Variants in KCNQ3 observed in about 807,000 individuals in gnomAD.
KCNQ3 encodes potassium voltage-gated channel subfamily KQT member 3.
Under a neutral mutation model 92.5 loss-of-function variants are expected in KCNQ3, and 30 were observed. The ratio of observed to expected loss-of-function variants is 0.32; its 90% CI spans 0.24 to 0.44. The LOEUF (loss-of-function observed/expected upper bound fraction) is 0.44. Ranked by LOEUF, KCNQ3 falls within the 20% of genes least tolerant of loss-of-function variation. The pLI, the probability that KCNQ3 is intolerant of heterozygous loss-of-function variation, is 1.00. For synonymous variants in KCNQ3, 450 were observed against 468.8 expected (o/e 0.96, Z 0.52); for missense variants, 913 against 1,140.3 (o/e 0.80, Z 2.87).
intron 1 of KCNQ3, among the ~76,000 whole-genome samples, chr8:132,362,519 G>A (rs990992256): frequency 5.9e-5 from 9 of 152,188 alleles, no homozygotes; most frequent in Non-Finnish European, 1.2e-4. Context: ...GGGGCAATTG[G>A]TGCTTAAATA....
intron 9 of KCNQ3, among the ~76,000 whole-genome samples, chr8:132,142,147 T>G (rs908018746): frequency 1.8e-4 from 27 of 152,336 alleles, no homozygotes; most frequent in African/African-American, 6.5e-4. Context: ...ATAATCAGCT[T>G]CTTTTGTATA....
At chr8:132,265,567 GGGTTTTCC>G (rs1373393109) in intron 1 of KCNQ3, among the ~76,000 whole-genome samples, 1 of 152,152 alleles carries the variant, frequency 6.6e-6, no homozygotes, top group Non-Finnish European at 1.5e-5. Flanking sequence ...ATGGAGATGG[GGGTTTTCC>G]CACAGGGACA....
intron 3 of KCNQ3, among the ~76,000 whole-genome samples, chr8:132,183,479 C>A (rs62519598): frequency 0.038 from 5,811 of 152,150 alleles, 172 homozygotes; most frequent in Non-Finnish European, 0.056. Context: ...GTCCTTCCAG[C>A]CCTGACACTC....
intron 1 of KCNQ3, among the ~76,000 whole-genome samples, chr8:132,390,248 T>C (rs1040944209): frequency 6.6e-6 from 1 of 152,128 alleles, no homozygotes; most frequent in African/African-American, 2.4e-5. Context: ...ACTTAGGGAA[T>C]GAAAGCATAC....
chr8:132,392,426 G>C (rs141555348), intron 1 of KCNQ3, among the ~76,000 whole-genome samples: 14 of 152,138 alleles, frequency 9.2e-5, no homozygotes, highest in African/African-American at 3.4e-4. Flanking sequence ...CAGCATCCTT[G>C]CTGTTCCTCA....
Position 132,126,067 on chromosome 8 carries a change from T to C in KCNQ3, c.*3195A>G, listed in dbSNP as rs1824653861. On this transcript the variant is annotated 3_prime_UTR_variant, in exon 15 of 15. Transcript: ENST00000388996. ...CTTGCTAAAATATGACCTTTAAAAT[T>C]TTTCATGTCACATTGTGACCCAGAA... 1 of 152,208 alleles carries C rather than the reference T, an allele frequency of 6.6e-6. No individual in the cohort carries two copies. Among genetic ancestry groups the C allele is most frequent in the Admixed American group, 6.5e-5 (1 of 15,284 alleles). 9.4% of individuals were successfully genotyped at this position (152,208 alleles called of 1,614,324 possible).
intron 1 of KCNQ3, among the ~76,000 whole-genome samples, chr8:132,332,333 G>C (rs1262496686): frequency 6.6e-6 from 1 of 152,186 alleles, no homozygotes; most frequent in Non-Finnish European, 1.5e-5. Flanking sequence ...CTTTGAGCCA[G>C]AGGTACCCAG....
At chr8:132,319,142 A>G (rs1817827007) in intron 1 of KCNQ3, among the ~76,000 whole-genome samples, 1 of 152,216 alleles carries the variant, frequency 6.6e-6, no homozygotes. Flanking sequence ...ATGTTAAGGG[A>G]GTGATCTCAT....
chr8:132,447,131 C>T (rs888848045), intron 1 of KCNQ3: 21 of 1,351,674 alleles, frequency 1.6e-5, no homozygotes, highest in Non-Finnish European at 1.9e-5. Flanking sequence ...TTCCCTCTCC[C>T]CCTGGGACTC....
chr8:132,136,476 A>AG (rs1053489505), intron 12 of KCNQ3, among the ~76,000 whole-genome samples: 3 of 152,078 alleles, frequency 2.0e-5, no homozygotes, highest in African/African-American at 7.2e-5. Context: ...GAAAAAAAAA[A>AG]TCACATATGG....
At chr8:132,170,058 G>T (rs1826272827) in intron 8 of KCNQ3, among the ~76,000 whole-genome samples, 1 of 151,748 alleles carries the variant, frequency 6.6e-6, no homozygotes, top group Admixed American at 6.6e-5. Context: ...TTTTTAGTAG[G>T]AACGGGATTT....
Position 132,465,868 on chromosome 8 carries a change from C to A in KCNQ3, c.386+14279G>T, listed in dbSNP as rs112385031. Among the ~76,000 whole-genome samples the A allele has an allele frequency of 2.2e-4, 33 of 152,222 alleles. 2 individuals are homozygous for A. The highest frequency in any genetic ancestry group is 7.2e-4 in the Admixed American group (11 of 15,290). On this transcript the variant is annotated intron_variant, in intron 1 of 14. Transcript: ENST00000388996. The stretch of plus-strand genomic sequence containing the variant: ...TCGAGGCTGTGGTGGGCCATGATTG[C>A]ACCACTGGACTCCAGCCTGGGAGAC...
intron 1 of KCNQ3, among the ~76,000 whole-genome samples, chr8:132,246,775 C>T (rs1815194161): frequency 6.6e-6 from 1 of 152,162 alleles, no homozygotes; most frequent in Admixed American, 6.5e-5. Flanking sequence ...AGCTCTCATC[C>T]CAGCATTACG....
In KCNQ3 at chr8:132,365,178, G is replaced by C. The variant is rs1405869195; in HGVS notation, c.386+114969C>G. 3.3e-5 allele frequency among the ~76,000 whole-genome samples: 5 copies of C among 152,196 alleles called. No homozygotes were observed. The East Asian group carries it at 5.8e-4, about 18-fold the overall frequency. ...CAAGCATGAAGACTAGCCACAGTGA[G>C]AGCATAAAAAATCACGTTGAACAAA... is the stretch of plus-strand genomic sequence containing the variant. On this transcript the variant is annotated intron_variant, in intron 1 of 14. Coordinates refer to ENST00000388996, the MANE Select transcript of KCNQ3 (RefSeq NM_004519.4).
intron 1 of KCNQ3, among the ~76,000 whole-genome samples, chr8:132,384,179 A>AC (rs1275954404): frequency 6.6e-6 from 1 of 151,922 alleles, no homozygotes; most frequent in African/African-American, 2.4e-5. Flanking sequence ...AGCCATGCTC[A>AC]CCCCACAACA....
At chr8:132,421,867 C>T (rs764771969) in intron 1 of KCNQ3, among the ~76,000 whole-genome samples, 1 of 152,154 alleles carries the variant, frequency 6.6e-6, no homozygotes, top group Non-Finnish European at 1.5e-5. Flanking sequence ...ATACAGACTT[C>T]ATTTTCCAAA....
At chr8:132,230,962 G>C (rs1331446128) in intron 1 of KCNQ3, among the ~76,000 whole-genome samples, 1 of 152,180 alleles carries the variant, frequency 6.6e-6, no homozygotes, top group East Asian at 1.9e-4. Flanking sequence ...TTAAAATGAG[G>C]TTATGATGGG....
At chr8:132,442,017 T>G (rs990162008) in intron 1 of KCNQ3, among the ~76,000 whole-genome samples, 13 of 150,768 alleles carry the variant, frequency 8.6e-5, no homozygotes, top group African/African-American at 3.2e-4. Context: ...AAGTGAGAGC[T>G]AAATGATTGA....
intron 1 of KCNQ3, among the ~76,000 whole-genome samples, chr8:132,300,527 T>C (rs1487356404): frequency 6.6e-6 from 1 of 152,122 alleles, no homozygotes; most frequent in Non-Finnish European, 1.5e-5. Flanking sequence ...TTTCAGGGTT[T>C]TGAGATGGCA....
Sources: gnomAD v4.1 joint callset for allele counts (sites outside exome capture counted in the v4.1 genomes callset) on GRCh38, gnomAD v4.1.1 for gene constraint, MANE v1.5 for transcripts, NCBI Gene and HGNC (gene_info 2026-07-23, HGNC 2026-07-21) for gene names.